SPG7: variants seen among roughly 807,000 people sequenced by gnomAD.
The protein encoded by SPG7 is SPG7 matrix AAA peptidase subunit, paraplegin.
A neutral mutation model predicts 81.9 loss-of-function variants in SPG7; 103 were observed. The observed-to-expected ratio is 1.26, with a 90% CI of 1.07 to 1.48. The LOEUF is 1.48. Among genes scored for constraint, SPG7 ranks in the 40% most tolerant of loss-of-function variants. The pLI, the probability that SPG7 is intolerant of heterozygous loss-of-function variation, is 0.00. For missense variants in SPG7, 1,241 were observed against 1,087.3 expected (o/e 1.14, Z -1.99); for synonymous variants, 534 against 444.2 (o/e 1.20, Z -2.54).
rs574605581 is a variant in SPG7, at chr16:89,557,358, G to A, written c.*265G>A. The A allele has an allele frequency of 5.9e-6, 3 of 511,478 alleles. No homozygotes were observed. The highest frequency in any genetic ancestry group is 3.5e-5 in the East Asian group (1 of 28,186). The allele number at this position is 511,478 out of a possible 1,614,324, so 31.7% of individuals were successfully genotyped here. A position where few individuals can be genotyped will look rare whatever the true frequency, so the allele number is the denominator to read the frequency against. On this transcript the variant is annotated 3_prime_UTR_variant, in exon 17 of 17. Transcript: ENST00000645818. ...TTCCCGAGTGAGCATGGAACACTTC[G>A]AGTTCCCAGGGTTATAGACAGTCGT...
intron 9 of SPG7, chr16:89,539,494 C>G (rs1349644050): frequency 1.3e-5 from 2 of 152,124 alleles, no homozygotes; most frequent in Non-Finnish European, 2.9e-5. Flanking sequence ...GAGCGAAACT[C>G]CTTCTCAAAA....
chr16:89,543,214 T>C (rs966414873), intron 9 of SPG7: 1 of 152,180 alleles, frequency 6.6e-6, no homozygotes, highest in Admixed American at 6.5e-5. Flanking sequence ...CCCAAAGTGC[T>C]GGGATTACAG....
intron 3 of SPG7, chr16:89,523,703 C>G (rs1169002790): frequency 3.9e-6 from 2 of 506,442 alleles, no homozygotes; most frequent in Non-Finnish European, 7.7e-6. Context: ...GCTGGGACCA[C>G]AGGCGTGCAC....
At chr16:89,536,366 G>C (rs972712847) in intron 9 of SPG7, among the ~76,000 whole-genome samples, 2 of 152,102 alleles carry the variant, frequency 1.3e-5, no homozygotes, top group African/African-American at 4.8e-5. Flanking sequence ...TGCTTCTGGA[G>C]GCTGCTCAAG....
At chr16:89,510,736 C>T in intron 2 of SPG7, 144 bp downstream of exon 2, 1 of 684,424 alleles carries the variant, frequency 1.5e-6, no homozygotes, top group Non-Finnish European at 2.7e-6. Flanking sequence ...GTGATCAGAG[C>T]TCACTACAGC....
rs1052962290 is a variant in SPG7 at position 89,532,324 on chromosome 16, C to T, written c.1151-139C>T. The T allele has an allele frequency of 2.1e-5, 24 of 1,139,382 alleles. 1 individual carries two copies. The South Asian group carries it at 2.4e-4, about 11-fold the overall frequency. The allele number at this position is 1,139,382 out of a possible 1,614,324, so 70.6% of individuals were successfully genotyped here. A position where few individuals can be genotyped will look rare whatever the true frequency, so the allele number is the denominator to read the frequency against. ...GGTGGCCAGGGGCCCCCGCGAGCAG[C>T]TGCCGTGTGTCTGTTTGTAGGGAAT... is the stretch of plus-strand genomic sequence containing the variant. On this transcript the variant is annotated intron_variant, in intron 8 of 16. Coordinates refer to ENST00000645818, the MANE Select transcript of SPG7 (RefSeq NM_003119.4).
chr16:89,519,627 C>G (rs902870299), intron 3 of SPG7: 2 of 151,902 alleles, frequency 1.3e-5, no homozygotes, highest in Non-Finnish European at 2.9e-5. Context: ...GGTGATGCAC[C>G]CGCCTCAGCC....
chr16:89,537,420 C>T (rs1245848843), intron 9 of SPG7: 23 of 1,044,678 alleles, frequency 2.2e-5, no homozygotes, highest in East Asian at 7.8e-5. Flanking sequence ...GGAAGCCCAG[C>T]GGTTCACACA....
At chr16:89,524,587 G>T (rs2058237037) in intron 4 of SPG7, among the ~76,000 whole-genome samples, 2 of 152,158 alleles carry the variant, frequency 1.3e-5, no homozygotes, top group Non-Finnish European at 2.9e-5. Context: ...GGGATTACAG[G>T]CGTGCACCAC....
At chr16:89,530,361 G>T in intron 6 of SPG7, 1 of 396,850 alleles carries the variant, frequency 2.5e-6, no homozygotes, top group Admixed American at 3.6e-5. Flanking sequence ...AGCCAGGGTG[G>T]TCTCGATCTC....
At chr16:89,519,626 C>G (rs1160589270) in intron 3 of SPG7, 2 of 152,174 alleles carry the variant, frequency 1.3e-5, no homozygotes, top group Admixed American at 1.3e-4. Flanking sequence ...AGGTGATGCA[C>G]CCGCCTCAGC....
chr16:89,550,451 G>T (rs375960702), intron 12 of SPG7, 43 bp from the exon 13 acceptor site: 1 of 1,417,164 alleles, frequency 7.1e-7, no homozygotes, highest in Non-Finnish European at 1.0e-6. Context: ...GGGATTACAG[G>T]CGTGAGCCAC....
chr16:89,529,823 C>A (rs2058316350), intron 6 of SPG7: 1 of 561,404 alleles, frequency 1.8e-6, no homozygotes, highest in South Asian at 2.0e-5. Flanking sequence ...GATTACAGGG[C>A]AGTTGAATCT....
At chr16:89,532,196 TGGGTTGGCGGAG>T (rs920468985) in intron 8 of SPG7, 130 bp downstream of exon 8, 13 of 1,093,280 alleles carry the variant, frequency 1.2e-5, no homozygotes, top group African/African-American at 1.1e-4. Flanking sequence ...AAGCGAGGTC[TGGGTTGGCGGAG>T]GGGTTTTGTC....
intron 3 of SPG7, among the ~76,000 whole-genome samples, chr16:89,516,284 G>A (rs893485887): frequency 6.6e-6 from 1 of 151,756 alleles, no homozygotes; most frequent in Non-Finnish European, 1.5e-5. Flanking sequence ...CACCACGCCC[G>A]GCCGTTCGTT....
chr16:89,510,934 G>T (rs1365621346), intron 2 of SPG7, among the ~76,000 whole-genome samples: 1 of 152,208 alleles, frequency 6.6e-6, no homozygotes, highest in African/African-American at 2.4e-5. Context: ...TTAGGCTGGA[G>T]TGATCCTCCC....
At chr16:89,543,347 C>CTTTTTTTTTTTTTTTTTTTTTT (rs57995524) in intron 9 of SPG7, 3 of 108,964 alleles carry the variant, frequency 2.8e-5, no homozygotes, top group Non-Finnish European at 5.7e-5. Flanking sequence ...GGACCTTTTC[C>CTTTTTTTTTTTTTTTTTTTTTT]TTTTTTTTTT....
At chr16:89,552,187 T>A (rs2058641721) in intron 13 of SPG7, 1 of 152,518 alleles carries the variant, frequency 6.6e-6, no homozygotes, top group Non-Finnish European at 1.5e-5. Context: ...GCCTCCTGCA[T>A]AGCTGGGACT....
chr16:89,523,166 C>T (rs2058213341), intron 3 of SPG7: 1 of 160,708 alleles, frequency 6.2e-6, no homozygotes, highest in African/African-American at 2.4e-5. Flanking sequence ...GAAGAATTCA[C>T]CTGGTGCTTC....
Sources: allele counts gnomAD v4.1 joint callset (sites outside exome capture counted in the v4.1 genomes callset), GRCh38; gene constraint gnomAD v4.1.1; transcripts MANE v1.5; gene names NCBI Gene and HGNC (gene_info 2026-07-23, HGNC 2026-07-21).